IQCK: variants seen among roughly 807,000 people sequenced by gnomAD.
IQCK encodes IQ domain-containing protein K.
A neutral mutation model predicts 28.1 loss-of-function variants in IQCK; 29 were observed. The observed-to-expected ratio is 1.03, with a 90% CI of 0.77 to 1.41. The LOEUF (loss-of-function observed/expected upper bound fraction) is 1.41, where lower values mean the gene tolerates loss of function less well. Among genes scored for constraint, IQCK ranks in the 40% most tolerant of loss-of-function variants. The pLI, the probability that IQCK is intolerant of heterozygous loss-of-function variation, is 0.00. For synonymous variants in IQCK, 113 were observed against 115.1 expected (o/e 0.98, Z 0.12); for missense variants, 359 against 314.7 (o/e 1.14, Z -1.07).
rs769371898 is a variant in IQCK at position 19,730,506 on chromosome 16, C to G, written c.246+12C>G. Reference sequence around the variant, plus strand: ...AGCCTGTGATTACGGTGAGTATTACCTAGGCCTCAACCGAAGCAAGAAGCT... The same window carrying G: ...AGCCTGTGATTACGGTGAGTATTACGTAGGCCTCAACCGAAGCAAGAAGCT... On this transcript the variant is annotated intron_variant, in intron 2 of 7. Coordinates refer to ENST00000564186, the Ensembl canonical transcript of IQCK. The G allele has an allele frequency of 2.5e-6, 4 of 1,585,020 alleles. No individual in the cohort carries two copies. The East Asian group carries it at 9.0e-5, about 36-fold the overall frequency.
At chr16:19,772,700 T>C (rs1228279418) in intron 6 of IQCK, among the ~76,000 whole-genome samples, 4 of 152,152 alleles carry the variant, frequency 2.6e-5, no homozygotes. Flanking sequence ...AAAATTTCCA[T>C]AACAAAAATT....
Position 19,851,540 on chromosome 16 carries a change from C to T in IQCK, c.803-4947C>T, listed in dbSNP as rs558876626. ...GTGAATTGAATTCTCAGTCCTGTCA[C>T]TCACAGGAACAGGAGAGGATAAGGG... On this transcript the variant is annotated intron_variant, in intron 9 of 9. Transcript: ENST00000320394. Among the ~76,000 whole-genome samples the T allele has an allele frequency of 2.6e-5, 4 of 152,290 alleles. No homozygotes were observed. The East Asian group carries it at 7.7e-4, about 29-fold the overall frequency.
downstream of IQCK, among the ~76,000 whole-genome samples, chr16:19,828,859 T>A (rs12919790): frequency 0.76 from 104,542 of 137,926 alleles, 40,703 homozygotes; most frequent in East Asian, 0.99. Flanking sequence ...TCAAAAAAAA[T>A]ATATATATAT....
chr16:19,846,509 T>A (rs1420064776), intron 9 of IQCK, among the ~76,000 whole-genome samples: 1 of 152,226 alleles, frequency 6.6e-6, no homozygotes, highest in East Asian at 1.9e-4. Context: ...ACGCCAAATG[T>A]TTCCATTTAA....
chr16:19,807,507 C>G (rs1257401658), intron 7 of IQCK, among the ~76,000 whole-genome samples: 1 of 152,150 alleles, frequency 6.6e-6, no homozygotes, highest in Admixed American at 6.5e-5. Flanking sequence ...GTCCAAGAAC[C>G]AGTGCTATTA....
At chr16:19,833,413 A>C (rs936375812) in intron 9 of IQCK, among the ~76,000 whole-genome samples, 1 of 152,210 alleles carries the variant, frequency 6.6e-6, no homozygotes, top group African/African-American at 2.4e-5. Context: ...ATGTTCCTAT[A>C]GTGAATAGAA....
intron 4 of IQCK, among the ~76,000 whole-genome samples, chr16:19,749,698 C>T (rs995356385): frequency 6.6e-6 from 1 of 151,082 alleles, no homozygotes; most frequent in Non-Finnish European, 1.5e-5. Flanking sequence ...CTTGGGAGGT[C>T]GAGGCTGCAG....
At chr16:19,845,637 A>G (rs1442919294) in intron 9 of IQCK, among the ~76,000 whole-genome samples, 1 of 152,230 alleles carries the variant, frequency 6.6e-6, no homozygotes, top group East Asian at 1.9e-4. Flanking sequence ...ATAGAAAGAA[A>G]ATACGAATAG....
intron 7 of IQCK, among the ~76,000 whole-genome samples, chr16:19,809,204 T>TA (rs2055871396): frequency 6.6e-6 from 1 of 152,198 alleles, no homozygotes; most frequent in African/African-American, 2.4e-5. Context: ...AGGGCAAAGT[T>TA]TAAGGGTAAA....
intron 9 of IQCK, among the ~76,000 whole-genome samples, chr16:19,845,309 A>G (rs1408754938): frequency 6.6e-6 from 1 of 152,272 alleles, no homozygotes; most frequent in Non-Finnish European, 1.5e-5. Flanking sequence ...TCTTAAAGGC[A>G]GCATATAATA....
downstream of IQCK, among the ~76,000 whole-genome samples, chr16:19,828,070 G>A (rs552014744): frequency 1.2e-4 from 18 of 151,706 alleles, no homozygotes; most frequent in East Asian, 2.3e-3. Flanking sequence ...GCTCCACCAC[G>A]CCTGGGTAAT....
exon 10 of IQCK, chr16:19,856,509 T>C (rs1256595905): frequency 6.2e-7 from 1 of 1,614,016 alleles, no homozygotes; most frequent in African/African-American, 1.3e-5. Flanking sequence ...TGGAGGACGA[T>C]GCAGTACCTG....
chr16:19,752,024 C>G (rs2054993790), intron 4 of IQCK, among the ~76,000 whole-genome samples: 1 of 152,142 alleles, frequency 6.6e-6, no homozygotes, highest in Non-Finnish European at 1.5e-5. Flanking sequence ...AGACTGAAGT[C>G]TAGTTAAAAG....
exon 10 of IQCK, chr16:19,857,471 G>A (rs1303421070): frequency 2.5e-5 from 11 of 437,498 alleles, no homozygotes; most frequent in South Asian, 5.0e-5. Context: ...ACAGTCAGCC[G>A]GGGGAAGATA....
chr16:19,833,360 C>T (rs1201687454), intron 9 of IQCK, among the ~76,000 whole-genome samples: 8 of 152,138 alleles, frequency 5.3e-5, no homozygotes, highest in South Asian at 4.1e-4. Flanking sequence ...AAATACTCAG[C>T]GCTTCCCTAA....
chr16:19,727,022 T>A (rs1426274787), intron 1 of IQCK, among the ~76,000 whole-genome samples: 1 of 151,672 alleles, frequency 6.6e-6, no homozygotes, highest in Non-Finnish European at 1.5e-5. Context: ...TCCCAGCTAC[T>A]TGGGAGGCTG....
chr16:19,804,302 C>T (rs1053296949), intron 7 of IQCK, among the ~76,000 whole-genome samples: 2 of 151,994 alleles, frequency 1.3e-5, no homozygotes, highest in Admixed American at 1.3e-4. Context: ...TGAGATCACA[C>T]CACTGCACTC....
intron 6 of IQCK, among the ~76,000 whole-genome samples, chr16:19,775,243 A>AAAG (rs2055374951): frequency 6.6e-6 from 1 of 151,642 alleles, no homozygotes; most frequent in African/African-American, 2.4e-5. Flanking sequence ...AAAAAAAAAA[A>AAAG]AAGAAGACTT....
At chr16:19,724,143 T>C (rs909673560) in intron 1 of IQCK, among the ~76,000 whole-genome samples, 1 of 152,166 alleles carries the variant, frequency 6.6e-6, no homozygotes, top group Admixed American at 6.5e-5. Context: ...TCCATGCCTT[T>C]CCACAAGCTT....
Sources: allele counts gnomAD v4.1 joint callset (sites outside exome capture counted in the v4.1 genomes callset), GRCh38; gene constraint gnomAD v4.1.1; transcripts MANE v1.5; gene names NCBI Gene and HGNC (gene_info 2026-07-23, HGNC 2026-07-21).